Variants in CLASP2 observed in about 807,000 individuals in gnomAD.
The protein encoded by CLASP2 is cytoplasmic linker associated protein 2.
A neutral mutation model predicts 194.4 loss-of-function variants in CLASP2; 47 were observed. That is an observed-to-expected ratio of 0.24 (90% CI 0.19 to 0.31). The LOEUF (loss-of-function observed/expected upper bound fraction) is 0.31. CLASP2 is among the 10% of genes least tolerant of loss of function. The pLI is 1.00. For synonymous variants in CLASP2, 619 were observed against 633.5 expected (o/e 0.98, Z 0.34); for missense variants, 1,445 against 1,823.6 (o/e 0.79, Z 3.78).
intron 32 of CLASP2, 143 bp from the exon 33 acceptor site, chr3:33,539,085 A>G (rs1171548888): frequency 5.3e-6 from 3 of 564,754 alleles, no homozygotes; most frequent in South Asian, 9.2e-5. Context: ...AAAAAATAGC[A>G]GCTATATATC....
At chr3:33,660,366 A>C (rs2085098127) in intron 7 of CLASP2, among the ~76,000 whole-genome samples, 1 of 152,104 alleles carries the variant, frequency 6.6e-6, no homozygotes, top group Non-Finnish European at 1.5e-5. Flanking sequence ...GCATTTAGGG[A>C]CTCTGCCTAA....
intron 32 of CLASP2, among the ~76,000 whole-genome samples, chr3:33,541,164 T>TCTTTCTG (rs547192320): frequency 6.6e-4 from 100 of 152,244 alleles, no homozygotes; most frequent in African/African-American, 2.1e-3. Context: ...GGAATACAAA[T>TCTTTCTG]CTTTCTGTTA....
chr3:33,638,447 G>A (rs2080626637), intron 8 of CLASP2, among the ~76,000 whole-genome samples: 1 of 152,110 alleles, frequency 6.6e-6, no homozygotes, highest in South Asian at 2.1e-4. Context: ...TGGGACTACA[G>A]GCACTCGCCA....
In CLASP2 at chr3:33,687,206, C is replaced by G. The variant is rs1320477255; in HGVS notation, c.471-71G>C. 5.4e-6 allele frequency: 5 copies of G among 918,464 alleles called. No homozygotes were observed. The Admixed American group carries it at 7.4e-5, about 14-fold the overall frequency. The allele number at this position is 918,464 out of a possible 1,614,324, so 56.9% of individuals were successfully genotyped here. A position where few individuals can be genotyped will look rare whatever the true frequency, so the allele number is the denominator to read the frequency against. On this transcript the variant is annotated intron_variant, in intron 4 of 38. Coordinates refer to ENST00000682230, the MANE Select transcript of CLASP2 (RefSeq NM_001365631.1). Reference sequence around the variant, plus strand: ...AACAGTAAACAAAATATCCTTATACCTTCTTGTCTGTAGCAATATAACAAA... The same window carrying G: ...AACAGTAAACAAAATATCCTTATACGTTCTTGTCTGTAGCAATATAACAAA...
intron 5 of CLASP2, among the ~76,000 whole-genome samples, chr3:33,685,480 T>C (rs967056857): frequency 2.0e-5 from 3 of 152,056 alleles, no homozygotes; most frequent in African/African-American, 7.2e-5. Flanking sequence ...GAATGTGGCC[T>C]GAACTCAAAC....
At chr3:33,546,462 T>G (rs1470114715) in intron 30 of CLASP2, among the ~76,000 whole-genome samples, 1 of 152,216 alleles carries the variant, frequency 6.6e-6, no homozygotes, top group African/African-American at 2.4e-5. Flanking sequence ...ATTTCATATT[T>G]CTTTTAAAAT....
chr3:33,689,262 T>C (rs1388723885), intron 3 of CLASP2, among the ~76,000 whole-genome samples: 1 of 152,024 alleles, frequency 6.6e-6, no homozygotes. Flanking sequence ...CCTATATTTA[T>C]GTTCAAAGAT....
At chr3:33,613,236 G>A (rs1374665693) in intron 12 of CLASP2, among the ~76,000 whole-genome samples, 1 of 152,310 alleles carries the variant, frequency 6.6e-6, no homozygotes, top group East Asian at 1.9e-4. Flanking sequence ...GGCAGAGGAA[G>A]AAATTGAACT....
At chr3:33,638,010 C>T (rs1454218263) in intron 8 of CLASP2, among the ~76,000 whole-genome samples, 3 of 152,124 alleles carry the variant, frequency 2.0e-5, no homozygotes, top group Admixed American at 2.0e-4. Context: ...ATGTGGAATA[C>T]TGTATCACTA....
chr3:33,596,890 T>G (rs2070543362), intron 18 of CLASP2, among the ~76,000 whole-genome samples, 156 bp from the exon 19 acceptor site: 2 of 152,140 alleles, frequency 1.3e-5, no homozygotes, highest in Non-Finnish European at 2.9e-5. Context: ...ACTAGGAAAT[T>G]AAACCAGATG....
intron 10 of CLASP2, among the ~76,000 whole-genome samples, chr3:33,623,315 ATTG>A (rs2077420960): frequency 6.6e-6 from 1 of 152,134 alleles, no homozygotes; most frequent in Non-Finnish European, 1.5e-5. Context: ...ACAATAAATT[ATTG>A]TTAACTACAG....
chr3:33,692,146 G>T (rs1250042549), intron 2 of CLASP2, among the ~76,000 whole-genome samples: 1 of 152,002 alleles, frequency 6.6e-6, no homozygotes, highest in Non-Finnish European at 1.5e-5. Flanking sequence ...TCCAATCTAG[G>T]CAACAGAGTA....
At chr3:33,578,055 T>C (rs940255377) in intron 23 of CLASP2, among the ~76,000 whole-genome samples, 1 of 152,210 alleles carries the variant, frequency 6.6e-6, no homozygotes, top group African/African-American at 2.4e-5. Flanking sequence ...ATTAATTAAT[T>C]TGATTATAGC....
intron 38 of CLASP2, among the ~76,000 whole-genome samples, chr3:33,500,914 A>C (rs897892191): frequency 6.6e-6 from 1 of 152,052 alleles, no homozygotes; most frequent in African/African-American, 2.4e-5. Flanking sequence ...AATTATTATC[A>C]TTTTTATTAT....
At chr3:33,562,416 T>A (rs13316957) in intron 27 of CLASP2, among the ~76,000 whole-genome samples, 4,401 of 152,312 alleles carry the variant, frequency 0.029, 209 homozygotes, top group African/African-American at 0.099. Context: ...CAAATGCATG[T>A]AACTAATCTG....
intron 30 of CLASP2, 51 bp downstream of exon 30, chr3:33,551,201 T>C (rs2059964593): frequency 6.6e-7 from 1 of 1,524,096 alleles, no homozygotes; most frequent in South Asian, 1.3e-5. Context: ...CAATCCATAA[T>C]AACTGACTTG....
At position 33,607,377 on chromosome 3, in the gene CLASP2, G is replaced by A; in HGVS notation, c.1526+7C>T. ...AACTGTCACAAAACTATACTACACT[G>A]ACTTACTTTCTTGCCTCCACTCTGG... On this transcript the variant is annotated splice_region_variant and intron_variant, in intron 15 of 38. Transcript: ENST00000682230. The A allele has an allele frequency of 6.3e-7, 1 of 1,592,846 alleles. No individual in the cohort carries two copies.
At position 33,671,473 on chromosome 3, in the gene CLASP2, G is replaced by A. The variant is rs141437760; in HGVS notation, c.645-7958C>T. On this transcript the variant is annotated intron_variant, in intron 6 of 38. Transcript: ENST00000682230. ...TGACTAAGGAGGAGCCAAGATGGCC[G>A]AATAGGAACAGCTCTGGTCTACAGC... Among the ~76,000 whole-genome samples, 723 of 152,294 alleles carry A rather than the reference G, an allele frequency of 4.7e-3. 20 individuals carry two copies. The highest frequency in any genetic ancestry group is 0.042 in the East Asian group (219 of 5,184).
intron 1 of CLASP2, among the ~76,000 whole-genome samples, chr3:33,698,365 A>G (rs2092114561): frequency 6.6e-6 from 1 of 152,188 alleles, no homozygotes; most frequent in Admixed American, 6.5e-5. Flanking sequence ...TAGTTGGGGA[A>G]AGCCATGGTC....
Sources: gnomAD v4.1 joint callset for allele counts (sites outside exome capture counted in the v4.1 genomes callset) on GRCh38, gnomAD v4.1.1 for gene constraint, MANE v1.5 for transcripts, NCBI Gene and HGNC (gene_info 2026-07-23, HGNC 2026-07-21) for gene names.